The following ZNF407 variants were observed in gnomAD, a reference collection of about 807,000 sequenced individuals.
ZNF407 encodes the protein zinc finger protein 407.
ZNF407 carries 17 observed loss-of-function variants against 131.2 expected under a neutral mutation model. That is an observed-to-expected ratio of 0.13 (90% CI 0.09 to 0.19). The LOEUF (loss-of-function observed/expected upper bound fraction) is 0.19, where lower values mean the gene tolerates loss of function less well. Among genes scored for constraint, ZNF407 ranks in the 10% least tolerant of loss-of-function variants. ZNF407 has a pLI of 1.00. For missense variants in ZNF407, 2,681 were observed against 2,830.6 expected, an observed-to-expected ratio of 0.95 and a Z score of 1.20; for synonymous variants, 1,156 against 1,062.0, an observed-to-expected ratio of 1.09 and a Z score of -1.72.
intron 4 of ZNF407, among the ~76,000 whole-genome samples, chr18:74,810,656 G>A (rs954393741): frequency 1.3e-5 from 2 of 152,000 alleles, no homozygotes; most frequent in Non-Finnish European, 2.9e-5. Context: ...CCTTTTGTTT[G>A]TTGCCTCATA....
At chr18:74,943,879 G>T (rs905715177) in intron 8 of ZNF407, among the ~76,000 whole-genome samples, 4 of 152,112 alleles carry the variant, frequency 2.6e-5, no homozygotes, top group African/African-American at 9.7e-5. Flanking sequence ...CCAGCATAAA[G>T]TGACACTCTC....
intron 8 of ZNF407, among the ~76,000 whole-genome samples, chr18:75,044,624 G>A (rs557117917): frequency 6.6e-6 from 1 of 152,252 alleles, no homozygotes; most frequent in Admixed American, 6.5e-5. Context: ...CCGTCACTAT[G>A]GCCCGTGTCA....
At chr18:74,651,458 G>A (rs554418621) in intron 3 of ZNF407, among the ~76,000 whole-genome samples, 5 of 152,278 alleles carry the variant, frequency 3.3e-5, no homozygotes, top group East Asian at 1.9e-4. Flanking sequence ...AGAAGAGGCC[G>A]ATAATTTGCC....
chr18:74,987,420 A>C (rs1972666358), intron 8 of ZNF407, among the ~76,000 whole-genome samples: 1 of 152,200 alleles, frequency 6.6e-6, no homozygotes, highest in African/African-American at 2.4e-5. Context: ...AGGAACGGTG[A>C]GCTCACGTGT....
intron 1 of ZNF407, chr18:74,598,304 C>T (rs1599114763): frequency 2.0e-5 from 3 of 152,346 alleles, no homozygotes; most frequent in African/African-American, 7.2e-5. Flanking sequence ...TTGTGGACAC[C>T]TCGGGGCTGC....
At chr18:75,012,423 G>T (rs1972990238) in intron 8 of ZNF407, among the ~76,000 whole-genome samples, 1 of 151,312 alleles carries the variant, frequency 6.6e-6, no homozygotes, top group Non-Finnish European at 1.5e-5. Flanking sequence ...ATAGTGTATA[G>T]CAGGCTCTGG....
At chr18:74,664,725 T>C (rs1344192627) in intron 3 of ZNF407, among the ~76,000 whole-genome samples, 3 of 151,382 alleles carry the variant, frequency 2.0e-5, no homozygotes, top group Non-Finnish European at 2.9e-5. Flanking sequence ...TTTCTCTCTC[T>C]TTTTTTTTAC....
chr18:75,014,209 A>G (rs923160812), intron 8 of ZNF407, among the ~76,000 whole-genome samples: 5 of 152,090 alleles, frequency 3.3e-5, no homozygotes, highest in African/African-American at 1.2e-4. Context: ...AAGTGTTTAC[A>G]TTGGGATTTG....
intron 8 of ZNF407, chr18:74,920,911 AGAGT>A: frequency 8.2e-7 from 1 of 1,224,330 alleles, no homozygotes; most frequent in Non-Finnish European, 1.0e-6. Flanking sequence ...GAAATCTGAC[AGAGT>A]AATTATTTGA....
intron 4 of ZNF407, among the ~76,000 whole-genome samples, chr18:74,785,678 C>T (rs994007503): frequency 6.6e-6 from 1 of 152,180 alleles, no homozygotes; most frequent in Non-Finnish European, 1.5e-5. Flanking sequence ...AGGAGCGTCA[C>T]CTTTTTTTTA....
chr18:74,614,618 G>A (rs540403749), intron 1 of ZNF407, among the ~76,000 whole-genome samples: 1 of 152,146 alleles, frequency 6.6e-6, no homozygotes, highest in African/African-American at 2.4e-5. Flanking sequence ...ATCATCCAGG[G>A]AATTCTTTAA....
At chr18:74,669,470 C>T (rs1307067861) in intron 3 of ZNF407, among the ~76,000 whole-genome samples, 1 of 152,220 alleles carries the variant, frequency 6.6e-6, no homozygotes, top group African/African-American at 2.4e-5. Flanking sequence ...GTAGCGTTCC[C>T]AATCACGGTG....
At chr18:74,981,877 A>T (rs1053435071) in intron 8 of ZNF407, among the ~76,000 whole-genome samples, 1 of 152,268 alleles carries the variant, frequency 6.6e-6, no homozygotes, top group Admixed American at 6.5e-5. Context: ...ATTGAAACTT[A>T]CCCAAATGCT....
rs1431866178 is a variant in ZNF407, at chr18:74,632,368, A to G, written c.1349A>G (p.Lys450Arg). The change falls in exon 2 of 9, where the codon AAA becomes AGA. Residue 450 changes from lysine to arginine, a missense_variant. Coordinates refer to ENST00000299687, the MANE Select transcript of ZNF407 (RefSeq NM_017757.3). ...AAAAGGTTTAATCTTTTAGGAATTA[A>G]AAGAGGTACAAGTGAAACTCAGAGG... is the stretch of plus-strand genomic sequence containing the variant. The part of the protein sequence containing the change: ...AKKRFNLLGI[K>R]RGTSETQRMY... 8.7e-6 allele frequency: 14 copies of G among 1,613,918 alleles called. No individual in the cohort carries two copies. In the Admixed American group the frequency reaches 1.3e-4, roughly 15 times the overall value.
intron 1 of ZNF407, among the ~76,000 whole-genome samples, chr18:74,619,202 G>T (rs1444115859): frequency 6.6e-6 from 1 of 151,940 alleles, no homozygotes; most frequent in Non-Finnish European, 1.5e-5. Context: ...CCTTAATATT[G>T]GAAAGATATT....
chr18:74,642,028 T>TG (rs1292158534), intron 3 of ZNF407, among the ~76,000 whole-genome samples: 1 of 151,848 alleles, frequency 6.6e-6, no homozygotes, highest in Non-Finnish European at 1.5e-5. Flanking sequence ...TTAGGTTTTT[T>TG]TTTTAGTAGA....
At chr18:74,639,684 G>C (rs571441939) in intron 2 of ZNF407, among the ~76,000 whole-genome samples, 1 of 152,232 alleles carries the variant, frequency 6.6e-6, no homozygotes, top group Admixed American at 6.5e-5. Flanking sequence ...AAGAGATCTG[G>C]CTTCATTGTC....
intron 3 of ZNF407, among the ~76,000 whole-genome samples, chr18:74,694,177 T>C (rs1967297160): frequency 6.6e-6 from 1 of 152,192 alleles, no homozygotes; most frequent in South Asian, 2.1e-4. Context: ...CTGGCAGTTA[T>C]GTAAGTCACT....
intron 4 of ZNF407, among the ~76,000 whole-genome samples, chr18:74,866,802 ATTAT>A (rs1473738111): frequency 6.7e-6 from 1 of 148,420 alleles, no homozygotes; most frequent in Non-Finnish European, 1.5e-5. Context: ...TATTCATTAT[ATTAT>A]TTTATTTTAT....
Sources: allele counts gnomAD v4.1 joint callset (sites outside exome capture counted in the v4.1 genomes callset), GRCh38; gene constraint gnomAD v4.1.1; transcripts MANE v1.5; gene names NCBI Gene and HGNC (gene_info 2026-07-23, HGNC 2026-07-21).